Variants in RAP1GAP2 observed in about 807,000 individuals in gnomAD.
RAP1GAP2 encodes rap1 GTPase-activating protein 2.
A neutral mutation model predicts 95.0 loss-of-function variants in RAP1GAP2; 27 were observed. That is an observed-to-expected ratio of 0.28 (90% CI 0.21 to 0.39). The LOEUF (loss-of-function observed/expected upper bound fraction) is 0.39, where lower values mean the gene tolerates loss of function less well. Among genes scored for constraint, RAP1GAP2 ranks in the 10% least tolerant of loss-of-function variants. RAP1GAP2 has a pLI of 1.00. For missense variants in RAP1GAP2, 771 were observed against 970.0 expected (o/e 0.79, Z 2.72); for synonymous variants, 373 against 380.9 (o/e 0.98, Z 0.24).
rs1403629186 is a variant in RAP1GAP2, at chr17:3,004,927, G to A, written c.1201-442G>A. Among the ~76,000 whole-genome samples the A allele has an allele frequency of 1.3e-5, 2 of 152,208 alleles. No individual in the cohort carries two copies. The highest frequency in any genetic ancestry group is 4.8e-5 in the African/African-American group (2 of 41,452). Reference sequence around the variant, plus strand: ...GGGTCGGGAGAGGTCTGGATGCTCTGTTCCTCTGCGGCTAATCACCTGTGG... The same window carrying A: ...GGGTCGGGAGAGGTCTGGATGCTCTATTCCTCTGCGGCTAATCACCTGTGG... On this transcript the variant is annotated intron_variant, in intron 14 of 24. Coordinates refer to ENST00000254695, the MANE Select transcript of RAP1GAP2 (RefSeq NM_015085.5). The surrounding 1 kb of genome is among the most constrained non-coding windows in gnomAD (Gnocchi z 4.1).
intron 2 of RAP1GAP2, among the ~76,000 whole-genome samples, chr17:2,879,427 C>T (rs1024624406): frequency 6.6e-6 from 1 of 152,024 alleles, no homozygotes; most frequent in Admixed American, 6.5e-5. Context: ...CAAAGCCCTT[C>T]TTACATTGAA....
rs1488639213 is a variant in RAP1GAP2 at position 2,807,140 on chromosome 17, G to T, written c.80+6590G>T. ...TCAAACTCCCGACCTCAGGTGATCC[G>T]CCTGCCTCGGCCTCTCAAAGTGCTG... On this transcript the variant is annotated intron_variant, in intron 2 of 24. Transcript: ENST00000254695. Among the ~76,000 whole-genome samples the T allele has an allele frequency of 2.0e-5, 3 of 151,886 alleles. No individual in the cohort carries two copies. The East Asian group carries it at 5.8e-4, about 30-fold the overall frequency.
chr17:2,845,809 C>T (rs1348503715), intron 2 of RAP1GAP2, among the ~76,000 whole-genome samples: 3 of 151,454 alleles, frequency 2.0e-5, no homozygotes, highest in African/African-American at 4.9e-5. Context: ...TTTGGTGAGC[C>T]GAGGTCGCAC....
At position 2,857,695 on chromosome 17, in the gene RAP1GAP2, A is replaced by C. The variant is rs2072202499; in HGVS notation, c.81-47589A>C. On this transcript the variant is annotated intron_variant, in intron 2 of 24. Transcript: ENST00000254695. The surrounding 1 kb of genome is among the most constrained non-coding windows in gnomAD (Gnocchi z 4.0). ...AGACTGCGGTTTGGAAACCACTTTG[A>C]TTTTCAGAGCCTGCTTCTTATGGAT... 6.6e-6 allele frequency among the ~76,000 whole-genome samples: 1 copy of C among 152,040 alleles called. No individual in the cohort carries two copies. Among genetic ancestry groups the C allele is most frequent in the Non-Finnish European group, 1.5e-5 (1 of 68,022 alleles).
At chr17:2,772,230 C>T (rs1241871871), upstream of RAP1GAP2, among the ~76,000 whole-genome samples, 2 of 152,114 alleles carry the variant, frequency 1.3e-5, no homozygotes, top group African/African-American at 4.8e-5. Flanking sequence ...TCAGATGATC[C>T]ACCCACCTGT....
chr17:2,829,817 ATTT>A (rs34423747), intron 2 of RAP1GAP2, among the ~76,000 whole-genome samples: 1 of 130,964 alleles, frequency 7.6e-6, no homozygotes, highest in Non-Finnish European at 1.6e-5. Context: ...TCTCTCTTAA[ATTT>A]TTTTTTTTTT....
chr17:2,940,859 T>G (rs1346058943), intron 3 of RAP1GAP2, among the ~76,000 whole-genome samples: 1 of 152,146 alleles, frequency 6.6e-6, no homozygotes, highest in East Asian at 1.9e-4. Flanking sequence ...CATCTTTTTC[T>G]CTATGGGAGT....
At chr17:2,925,256 C>T (rs995602866) in intron 3 of RAP1GAP2, among the ~76,000 whole-genome samples, 4 of 152,094 alleles carry the variant, frequency 2.6e-5, no homozygotes, top group East Asian at 1.9e-4. Context: ...ATGAGCCATT[C>T]GCACACTGCT....
At chr17:2,908,981 C>T (rs1174062378) in intron 3 of RAP1GAP2, among the ~76,000 whole-genome samples, 6 of 152,166 alleles carry the variant, frequency 3.9e-5, no homozygotes, top group African/African-American at 1.4e-4. Context: ...GCTGGGATTA[C>T]AGGTGTGAGC....
intron 3 of RAP1GAP2, among the ~76,000 whole-genome samples, chr17:2,922,061 AC>A (rs1450199108): frequency 6.6e-6 from 1 of 152,214 alleles, no homozygotes; most frequent in East Asian, 1.9e-4. Context: ...AATACCTTAG[AC>A]TGGGTAATTT....
chr17:2,958,453 T>C (rs973336606), intron 4 of RAP1GAP2, among the ~76,000 whole-genome samples: 1 of 152,014 alleles, frequency 6.6e-6, no homozygotes, highest in African/African-American at 2.4e-5. Flanking sequence ...GCAGGGTTCA[T>C]TGACGTGGGC....
chr17:2,809,077 G>A (rs1434631385), intron 2 of RAP1GAP2, among the ~76,000 whole-genome samples: 1 of 152,156 alleles, frequency 6.6e-6, no homozygotes. Flanking sequence ...TTTGCCAGGC[G>A]GCAAGGTCTG....
At chr17:2,757,909 A>G (rs922557611) in intron 1 of RAP1GAP2, among the ~76,000 whole-genome samples, 26 of 148,160 alleles carry the variant, frequency 1.8e-4, no homozygotes, top group South Asian at 6.4e-4. Flanking sequence ...TCACACTGTC[A>G]CCCAAGCTGG....
intron 2 of RAP1GAP2, among the ~76,000 whole-genome samples, chr17:2,848,969 G>A (rs1302596174): frequency 1.3e-5 from 2 of 152,202 alleles, no homozygotes; most frequent in Admixed American, 6.5e-5. Context: ...GCCCAGCAGG[G>A]GGCGCTGATG....
At chr17:2,811,502 A>G (rs1328142410) in intron 2 of RAP1GAP2, among the ~76,000 whole-genome samples, 2 of 152,206 alleles carry the variant, frequency 1.3e-5, no homozygotes, top group Admixed American at 6.5e-5. Context: ...GGGCACTGCA[A>G]GAATGCTGGC....
rs1459408844 is a variant in RAP1GAP2 at position 2,963,542 on chromosome 17, G to A, written c.279+80G>A. ...CCTGGGGAAATGATGGCGATGGCCT[G>A]TGCCCAGCCCCCCAGGGGAGAGAAC... On this transcript the variant is annotated intron_variant, in intron 6 of 24. Coordinates refer to ENST00000254695, the MANE Select transcript of RAP1GAP2 (RefSeq NM_015085.5). The surrounding 1 kb of genome is among the most constrained non-coding windows in gnomAD (Gnocchi z 4.8). The A allele has an allele frequency of 1.5e-5, 23 of 1,576,204 alleles. No homozygotes were observed. The highest frequency in any genetic ancestry group is 1.9e-5 in the Non-Finnish European group (22 of 1,146,144).
intron 3 of RAP1GAP2, among the ~76,000 whole-genome samples, chr17:2,929,960 C>A (rs745773487): frequency 2.0e-5 from 3 of 152,208 alleles, no homozygotes; most frequent in African/African-American, 7.2e-5. Flanking sequence ...TGAGCAGACT[C>A]GTCACTCCCG....
At chr17:2,981,312 G>A in intron 10 of RAP1GAP2, 64 bp downstream of exon 10, 10 of 1,445,438 alleles carry the variant, frequency 6.9e-6, no homozygotes, top group Non-Finnish European at 9.6e-6. Flanking sequence ...CAGACCTGTG[G>A]CTCTTTGGGG....
At chr17:2,757,560 A>G (rs893942508) in intron 1 of RAP1GAP2, among the ~76,000 whole-genome samples, 4 of 152,144 alleles carry the variant, frequency 2.6e-5, no homozygotes, top group Non-Finnish European at 4.4e-5. Context: ...GGTCAGTGAC[A>G]TGACATCATG....
Sources: allele counts gnomAD v4.1 joint callset (sites outside exome capture counted in the v4.1 genomes callset), GRCh38; gene constraint gnomAD v4.1.1; non-coding constraint Gnocchi (gnomAD v3.1); transcripts MANE v1.5; gene names NCBI Gene and HGNC (gene_info 2026-07-23, HGNC 2026-07-21).